The following KCNIP4 variants were observed in gnomAD, a reference collection of about 807,000 sequenced individuals.
The protein encoded by KCNIP4 is Kv channel-interacting protein 4.
In KCNIP4, 12 loss-of-function variants were observed where a neutral mutation model predicts 34.0. The observed-to-expected ratio is 0.35, with a 90% CI of 0.23 to 0.57. The LOEUF (loss-of-function observed/expected upper bound fraction) is 0.57, where lower values mean the gene tolerates loss of function less well. Ranked by LOEUF, KCNIP4 falls within the 20% of genes least tolerant of loss-of-function variation. KCNIP4 has a pLI of 0.83. For missense variants in KCNIP4, 238 were observed against 311.7 expected (o/e 0.76, Z 1.78); for synonymous variants, 124 against 102.2 (o/e 1.21, Z -1.29).
chr4:21,782,534 A>T (rs58511542), intron 1 of KCNIP4, among the ~76,000 whole-genome samples: 3 of 151,878 alleles, frequency 2.0e-5, no homozygotes, highest in Non-Finnish European at 2.9e-5. Flanking sequence ...TTTCTACAAA[A>T]TTTTTTTTAA....
chr4:21,106,204 C>T (rs1039396112), intron 1 of KCNIP4, among the ~76,000 whole-genome samples: 6 of 145,832 alleles, frequency 4.1e-5, no homozygotes, highest in East Asian at 3.9e-4. Context: ...TGGTAGAATT[C>T]GGCTGTGAAT....
intron 1 of KCNIP4, among the ~76,000 whole-genome samples, chr4:21,793,074 A>T (rs1720398243): frequency 6.6e-6 from 1 of 152,336 alleles, no homozygotes; most frequent in East Asian, 1.9e-4. Context: ...GTCAACATTC[A>T]TGGGCAGTCC....
intron 1 of KCNIP4, among the ~76,000 whole-genome samples, chr4:21,054,099 C>G (rs537133172): frequency 2.0e-5 from 3 of 151,648 alleles, no homozygotes; most frequent in African/African-American, 7.3e-5. Flanking sequence ...GTCAATATTA[C>G]GTAGATATTG....
At chr4:21,282,672 A>G (rs1020690796) in intron 1 of KCNIP4, among the ~76,000 whole-genome samples, 1 of 152,224 alleles carries the variant, frequency 6.6e-6, no homozygotes, top group African/African-American at 2.4e-5. Flanking sequence ...GGCAGAAAAT[A>G]TAAGAAGATG....
chr4:21,410,059 G>A (rs62295482), intron 1 of KCNIP4, among the ~76,000 whole-genome samples: 32,295 of 152,048 alleles, frequency 0.21, 4,256 homozygotes, highest in Non-Finnish European at 0.3. Flanking sequence ...CTCCTTCTAC[G>A]AGAGTACAGT....
chr4:21,422,495 T>C (rs2322962), intron 1 of KCNIP4, among the ~76,000 whole-genome samples: 41,911 of 151,918 alleles, frequency 0.28, 6,909 homozygotes, highest in Non-Finnish European at 0.38. Context: ...CCACCGAGCC[T>C]GGCCCACTTA....
chr4:21,537,506 G>A (rs1369438424), intron 1 of KCNIP4, among the ~76,000 whole-genome samples: 4 of 151,908 alleles, frequency 2.6e-5, no homozygotes, highest in Non-Finnish European at 5.9e-5. Flanking sequence ...GGCACATTGC[G>A]GAAAACAAAA....
chr4:21,426,992 C>T (rs1725985127), intron 1 of KCNIP4, among the ~76,000 whole-genome samples: 1 of 150,318 alleles, frequency 6.7e-6, no homozygotes, highest in East Asian at 2.0e-4. Flanking sequence ...CTTTTCTGTT[C>T]TCACAAATGC....
At chr4:20,977,130 G>A (rs1735569512) in intron 1 of KCNIP4, among the ~76,000 whole-genome samples, 1 of 152,056 alleles carries the variant, frequency 6.6e-6, no homozygotes, top group African/African-American at 2.4e-5. Context: ...ACTGCGCCTG[G>A]CCAAACATGA....
At chr4:21,887,402 C>A (rs1333748962) in intron 1 of KCNIP4, among the ~76,000 whole-genome samples, 1 of 152,046 alleles carries the variant, frequency 6.6e-6, no homozygotes, top group African/African-American at 2.4e-5. Context: ...TAATCTCATT[C>A]ATGAGAGTTC....
intron 2 of KCNIP4, among the ~76,000 whole-genome samples, chr4:20,860,249 C>T (rs932587984): frequency 2.6e-5 from 4 of 152,084 alleles, no homozygotes; most frequent in Non-Finnish European, 5.9e-5. Context: ...AAGCGATTCT[C>T]CTGGCTCAGC....
intron 1 of KCNIP4, among the ~76,000 whole-genome samples, chr4:21,588,334 G>A (rs192914210): frequency 5.5e-4 from 84 of 152,084 alleles, no homozygotes; most frequent in African/African-American, 2.0e-3. Flanking sequence ...TTATGGTGAG[G>A]AAAGTCTGAA....
At chr4:21,550,879 C>T (rs531468892) in intron 1 of KCNIP4, among the ~76,000 whole-genome samples, 5 of 152,192 alleles carry the variant, frequency 3.3e-5, no homozygotes, top group Admixed American at 6.6e-5. Context: ...TGACACAGTG[C>T]CATGCCTAAT....
chr4:21,605,488 A>AT lies in KCNIP4; in HGVS notation c.61+343082dup, dbSNP rs567068159. ...TCTATTTTTAATATTCCTTTTTACA[A>AT]TTTTTTTTTTGAGACGGAGTCTCAC... On this transcript the variant is annotated intron_variant, in intron 1 of 8. Transcript: ENST00000382152. Among the ~76,000 whole-genome samples the AT allele has an allele frequency of 8.0e-3, 1,206 of 150,244 alleles. 12 individuals are homozygous for AT. Among genetic ancestry groups the AT allele is most frequent in the African/African-American group, 0.022 (918 of 41,060 alleles).
At chr4:21,226,340 GGAAGA>G (rs1361338797) in intron 1 of KCNIP4, among the ~76,000 whole-genome samples, 2 of 141,084 alleles carry the variant, frequency 1.4e-5, no homozygotes, top group Non-Finnish European at 3.0e-5. Context: ...AGGAAGGGAA[GGAAGA>G]GAAGGAAGAG....
chr4:21,082,379 G>C (rs1026909459), intron 1 of KCNIP4, among the ~76,000 whole-genome samples: 1 of 151,734 alleles, frequency 6.6e-6, no homozygotes, highest in African/African-American at 2.4e-5. Context: ...GAGAATTTCT[G>C]TAAAGACTTT....
intron 1 of KCNIP4, among the ~76,000 whole-genome samples, chr4:21,208,017 A>AT (rs960421903): frequency 6.6e-6 from 1 of 151,110 alleles, no homozygotes; most frequent in Admixed American, 6.6e-5. Flanking sequence ...TAATTTTTGT[A>AT]TTTTTTGTAG....
intron 1 of KCNIP4, among the ~76,000 whole-genome samples, chr4:21,532,348 C>CT (rs869129590): frequency 1.2e-5 from 1 of 80,126 alleles, no homozygotes; most frequent in Non-Finnish European, 2.5e-5. Flanking sequence ...AAAAACAATT[C>CT]TTGCAATCAT....
chr4:21,480,281 T>G (rs1731314662), intron 1 of KCNIP4, among the ~76,000 whole-genome samples: 1 of 152,108 alleles, frequency 6.6e-6, no homozygotes, highest in Non-Finnish European at 1.5e-5. Context: ...TTCATGTAAT[T>G]GTACAAACTA....
Sources: gnomAD v4.1 joint callset for allele counts (sites outside exome capture counted in the v4.1 genomes callset) on GRCh38, gnomAD v4.1.1 for gene constraint, MANE v1.5 for transcripts, NCBI Gene and HGNC (gene_info 2026-07-23, HGNC 2026-07-21) for gene names.